Variants in DMD observed in about 807,000 individuals in gnomAD.
DMD encodes mutant dystrophin.
A neutral mutation model predicts 330.1 loss-of-function variants in DMD; 63 were observed. That is an observed-to-expected ratio of 0.19 (90% confidence interval 0.16 to 0.24). The LOEUF (loss-of-function observed/expected upper bound fraction) is 0.24. Ranked by LOEUF, DMD falls within the 10% of genes least tolerant of loss-of-function variation. DMD has a pLI of 1.00. For synonymous variants in DMD, 1,223 were observed against 959.8 expected (o/e 1.27, Z -5.07); for missense variants, 3,344 against 2,684.1 (o/e 1.25, Z -5.43).
intron 29 of DMD, among the ~76,000 whole-genome samples, chrX:32,435,606 G>A (rs1325583938): frequency 2.7e-5 from 3 of 110,242 alleles, no homozygotes; most frequent in Admixed American, 9.7e-5. Flanking sequence ...TTTTTGACAC[G>A]GGAACATTTC....
rs1384389450 is a variant in DMD, at chrX:32,846,724, A to C, written c.187-1864T>G. Among the ~76,000 whole-genome samples the C allele has an allele frequency of 0.017, 81 of 4,745 alleles. 2 individuals are homozygous for C. In the East Asian group the frequency reaches 0.25, roughly 15 times the overall value. The allele number at this position is 4,745 out of a possible 115,157, so 4.1% of individuals were successfully genotyped here. A position where few individuals can be genotyped will look rare whatever the true frequency, so the allele number is the denominator to read the frequency against. On this transcript the variant is annotated intron_variant, in intron 3 of 78. Coordinates refer to ENST00000357033, the MANE Select transcript of DMD (RefSeq NM_004006.3). ...AGGAAAAAAATAAGACTTTAGATTT[A>C]AAAAAAAAAAAAAAAAAAAAAAAGC...
chrX:32,819,593 A>T (rs1435930007), intron 5 of DMD, among the ~76,000 whole-genome samples: 2 of 112,047 alleles, frequency 1.8e-5, no homozygotes, highest in Non-Finnish European at 3.8e-5. Context: ...TGAGATGGAC[A>T]GTAGAAAAAC....
chrX:32,369,097 C>A (rs781125868), intron 34 of DMD, among the ~76,000 whole-genome samples: 64 of 111,026 alleles, frequency 5.8e-4, no homozygotes, highest in Non-Finnish European at 1.0e-3. Flanking sequence ...TAAGTAAAAT[C>A]CAATTAAACT....
At chrX:32,800,490 G>A (rs900656648) in intron 7 of DMD, among the ~76,000 whole-genome samples, 1 of 111,730 alleles carries the variant, frequency 9.0e-6, no homozygotes, top group Non-Finnish European at 1.9e-5. Flanking sequence ...GGCAAGAATT[G>A]ACATATTTTA....
chrX:33,187,340 A>G (rs1479598358), intron 1 of DMD, among the ~76,000 whole-genome samples: 4 of 112,586 alleles, frequency 3.6e-5, no homozygotes, highest in African/African-American at 1.3e-4. Context: ...CCTTCTGTGA[A>G]TTAGAGTATG....
chrX:31,285,804 C>T lies in DMD; in HGVS notation c.9225-24788G>A, dbSNP rs746807357. Among the ~76,000 whole-genome samples, 332 of 111,516 alleles carry T rather than the reference C, an allele frequency of 3.0e-3. 2 individuals are homozygous for T. The highest frequency in any genetic ancestry group is 0.01 in the African/African-American group (318 of 30,742). On this transcript the variant is annotated intron_variant, in intron 62 of 78. Coordinates refer to ENST00000357033, the MANE Select transcript of DMD (RefSeq NM_004006.3). The stretch of plus-strand genomic sequence containing the variant: ...AATCTTATTAAAAAACAAAAACATA[C>T]TGGAACTTTGGAAAATAAATTTAGG...
intron 2 of DMD, among the ~76,000 whole-genome samples, chrX:32,981,911 G>A (rs1279195679): frequency 1.8e-5 from 2 of 111,405 alleles, no homozygotes; most frequent in Non-Finnish European, 3.8e-5. Flanking sequence ...GTTCTCAGGT[G>A]CCAACACAAC....
chrX:32,748,400 G>A (rs2070358487), intron 7 of DMD, among the ~76,000 whole-genome samples: 1 of 110,091 alleles, frequency 9.1e-6, no homozygotes, highest in Admixed American at 9.7e-5. Flanking sequence ...AAAACTGCGA[G>A]GGTGGGGCAT....
At chrX:32,755,477 T>C (rs1042374953) in intron 7 of DMD, among the ~76,000 whole-genome samples, 2 of 111,791 alleles carry the variant, frequency 1.8e-5, no homozygotes, top group South Asian at 3.7e-4. Context: ...TTCTAATAGA[T>C]GAAAAGTTCC....
chrX:31,301,255 A>C (rs766853167), intron 62 of DMD, among the ~76,000 whole-genome samples: 1 of 111,806 alleles, frequency 8.9e-6, no homozygotes, highest in African/African-American at 3.3e-5. Context: ...CACAGTAGCT[A>C]GTCACCATGA....
intron 12 of DMD, among the ~76,000 whole-genome samples, chrX:32,606,473 T>A (rs1019837096): frequency 5.5e-5 from 6 of 109,978 alleles, no homozygotes; most frequent in Non-Finnish European, 9.6e-5. Context: ...TGTAAGTTAA[T>A]ATAAACATTA....
intron 47 of DMD, among the ~76,000 whole-genome samples, chrX:31,901,613 C>G (rs2094423670): frequency 1.8e-5 from 2 of 111,686 alleles, no homozygotes; most frequent in Non-Finnish European, 3.8e-5. Flanking sequence ...ACTCTCTCTT[C>G]CGCTTCACTG....
chrX:32,727,042 G>A (rs1320234158), intron 7 of DMD, among the ~76,000 whole-genome samples: 1 of 110,743 alleles, frequency 9.0e-6, no homozygotes, highest in Non-Finnish European at 1.9e-5. Context: ...CTAGGTTGAA[G>A]TAAAATCAAT....
chrX:32,950,096 T>C (rs1380288003), intron 2 of DMD, among the ~76,000 whole-genome samples: 1 of 110,588 alleles, frequency 9.0e-6, no homozygotes, highest in East Asian at 2.8e-4. Context: ...TATCCTATAC[T>C]TGGGGGTTAG....
chrX:31,967,866 C>A (rs1384826514), intron 45 of DMD, among the ~76,000 whole-genome samples: 1 of 111,713 alleles, frequency 9.0e-6, no homozygotes, highest in Admixed American at 9.5e-5. Context: ...GGCTCAAGTT[C>A]CCCTTCAAGA....
chrX:33,304,012 T>G (rs1211321865), intron 1 of DMD, among the ~76,000 whole-genome samples: 1 of 111,628 alleles, frequency 9.0e-6, no homozygotes, highest in Non-Finnish European at 1.9e-5. Context: ...CTGAAGTTAT[T>G]TATTATAAAT....
intron 9 of DMD, among the ~76,000 whole-genome samples, chrX:32,689,528 A>G (rs2063119832): frequency 1.8e-5 from 2 of 111,542 alleles, no homozygotes; most frequent in African/African-American, 3.3e-5. Context: ...ACTCTTTGAA[A>G]AAACTGAAGT....
chrX:33,105,326 T>C (rs1286086973), intron 1 of DMD, among the ~76,000 whole-genome samples: 1 of 111,264 alleles, frequency 9.0e-6, no homozygotes, highest in Non-Finnish European at 1.9e-5. Context: ...ATAAAACTCC[T>C]CAAAGAAAAC....
chrX:32,321,734 A>G (rs2097616429), intron 41 of DMD, among the ~76,000 whole-genome samples: 1 of 112,076 alleles, frequency 8.9e-6, no homozygotes, highest in African/African-American at 3.2e-5. Flanking sequence ...CAAAATATCA[A>G]AACCTTAACT....
Sources: gnomAD v4.1 joint callset for allele counts (sites outside exome capture counted in the v4.1 genomes callset) on GRCh38, gnomAD v4.1.1 for gene constraint, MANE v1.5 for transcripts, NCBI Gene and HGNC (gene_info 2026-07-23, HGNC 2026-07-21) for gene names.